CELSR1: variants seen among roughly 807,000 people sequenced by gnomAD.
CELSR1 encodes adhesion G protein-coupled receptor C1.
In CELSR1, 110 loss-of-function variants were observed where a neutral mutation model predicts 249.1. The observed-to-expected ratio is 0.44, with a 90% CI of 0.38 to 0.52. The LOEUF is 0.52. CELSR1 is among the 20% of genes least tolerant of loss of function. The pLI is 0.00. For synonymous variants in CELSR1, 2,113 were observed against 1,900.0 expected (o/e 1.11, Z -2.92); for missense variants, 4,109 against 4,296.4 (o/e 0.96, Z 1.22).
At position 46,413,336 on chromosome 22, in the gene CELSR1, C is replaced by T. The variant is rs2079360031; in HGVS notation, c.4612-1577G>A. Among the ~76,000 whole-genome samples, 1 of 152,362 alleles carries T rather than the reference C, an allele frequency of 6.6e-6. No individual in the cohort carries two copies. Among genetic ancestry groups the T allele is most frequent in the South Asian group, 2.1e-4 (1 of 4,826 alleles). ...TTGCATGACTTCTGGGGACCCTGGA[C>T]ACCCAGGCAGCACGCCCTGCCTGGA... On this transcript the variant is annotated intron_variant, in intron 5 of 34. Transcript: ENST00000674500. The surrounding 1 kb of genome is among the most constrained non-coding windows in gnomAD (Gnocchi z 4.7).
At chr22:46,457,950 G>A (rs964784054) in intron 2 of CELSR1, among the ~76,000 whole-genome samples, 3 of 152,356 alleles carry the variant, frequency 2.0e-5, no homozygotes, top group African/African-American at 2.4e-5. Flanking sequence ...GTGGAGGGGC[G>A]GGATGGCCAG....
chr22:46,410,273 G>A lies in CELSR1; in HGVS notation c.4933+125C>T. ...TCCATCCCAGGAGCTGCCCACCGCT[G>A]GACACATACATTTCTAAGAAAAACA... On this transcript the variant is annotated intron_variant, in intron 7 of 34. Coordinates refer to ENST00000674500, the MANE Select transcript of CELSR1 (RefSeq NM_001378328.1). This position sits in a 1 kb window ranked among gnomAD's most constrained non-coding sequence, Gnocchi z 6.8. The A allele has an allele frequency of 8.1e-7, 1 of 1,231,048 alleles. No homozygotes were observed. The highest frequency in any genetic ancestry group is 1.1e-6 in the Non-Finnish European group (1 of 869,790). The allele number at this position is 1,231,048 out of a possible 1,614,324, so 76.3% of individuals were successfully genotyped here. A position where few individuals can be genotyped will look rare whatever the true frequency, so the allele number is the denominator to read the frequency against.
rs1046977319 is a variant in CELSR1, at chr22:46,393,108, T to C, written c.5964+1034A>G. Among the ~76,000 whole-genome samples the C allele has an allele frequency of 2.6e-5, 4 of 152,070 alleles. No individual in the cohort carries two copies. Among genetic ancestry groups the C allele is most frequent in the Non-Finnish European group, 4.4e-5 (3 of 67,962 alleles). On this transcript the variant is annotated intron_variant, in intron 14 of 34. Transcript: ENST00000674500. This position sits in a 1 kb window ranked among gnomAD's most constrained non-coding sequence, Gnocchi z 4.1. ...CATCCAAGGGTGCCCTGGTACCAGC[T>C]TCCCTCCTAGGGCCAGCCGCATCTG...
Position 46,527,202 on chromosome 22 carries a change from C to T in CELSR1, c.3544+6425G>A, listed in dbSNP as rs571834271. ...GGCCTGCAGAGCCTGGGAGGGTTCC[C>T]GGCACATGGAGCACATCGGCTGAGA... is the stretch of plus-strand genomic sequence containing the variant. On this transcript the variant is annotated intron_variant, in intron 1 of 34. Coordinates refer to ENST00000674500, the MANE Select transcript of CELSR1 (RefSeq NM_001378328.1). The surrounding 1 kb of genome is among the most constrained non-coding windows in gnomAD (Gnocchi z 5.5). Among the ~76,000 whole-genome samples the T allele has an allele frequency of 7.9e-5, 12 of 152,234 alleles. No homozygotes were observed. Among genetic ancestry groups the T allele is most frequent in the African/African-American group, 1.2e-4 (5 of 41,534 alleles).
At chr22:46,379,062 ACT>A (rs2147210531) in intron 22 of CELSR1, among the ~76,000 whole-genome samples, 1 of 152,120 alleles carries the variant, frequency 6.6e-6, no homozygotes, top group East Asian at 1.9e-4. Context: ...TAGCAGCAAA[ACT>A]CAAATGGGGC....
chr22:46,414,675 C>A (rs2079378766), intron 5 of CELSR1, among the ~76,000 whole-genome samples: 1 of 152,224 alleles, frequency 6.6e-6, no homozygotes, highest in Admixed American at 6.5e-5. Context: ...GTCACGGAGG[C>A]AGGGAGTGCA....
chr22:46,408,903 G>A lies in CELSR1; in HGVS notation c.5226+93C>T. The stretch of plus-strand genomic sequence containing the variant: ...GGCGCCGGAGGAAGGGCGAGTAGCA[G>A]GTGCCCGAGTGTGCACCAGGAAGCC... On this transcript the variant is annotated intron_variant, in intron 9 of 34. Transcript: ENST00000674500. This position sits in a 1 kb window ranked among gnomAD's most constrained non-coding sequence, Gnocchi z 4.6. 9.5e-7 allele frequency: 1 copy of A among 1,051,236 alleles called. No individual in the cohort carries two copies. The highest frequency in any genetic ancestry group is 1.3e-6 in the Non-Finnish European group (1 of 748,778). The allele number at this position is 1,051,236 out of a possible 1,614,324, so 65.1% of individuals were successfully genotyped here. A position where few individuals can be genotyped will look rare whatever the true frequency, so the allele number is the denominator to read the frequency against.
chr22:46,393,682 G>A lies in CELSR1; in HGVS notation c.5964+460C>T, dbSNP rs763212337. Among the ~76,000 whole-genome samples, 129 of 151,250 alleles carry A rather than the reference G, an allele frequency of 8.5e-4. No homozygotes were observed. Among genetic ancestry groups the A allele is most frequent in the Non-Finnish European group, 1.4e-3 (94 of 67,924 alleles). On this transcript the variant is annotated intron_variant, in intron 14 of 34. Coordinates refer to ENST00000674500, the MANE Select transcript of CELSR1 (RefSeq NM_001378328.1). The surrounding 1 kb of genome is among the most constrained non-coding windows in gnomAD (Gnocchi z 4.1). ...GAACCCGGGAGGCGGAGGCTGCAGT[G>A]AGCCGAGATCGCACCACTGCACTCC... is the stretch of plus-strand genomic sequence containing the variant.
intron 2 of CELSR1, among the ~76,000 whole-genome samples, chr22:46,455,854 G>C (rs143055982): frequency 6.6e-6 from 1 of 152,146 alleles, no homozygotes; most frequent in African/African-American, 2.4e-5. Flanking sequence ...CTGATCCCCC[G>C]GCAAGATTTT....
At chr22:46,452,713 G>A (rs967847396) in intron 2 of CELSR1, among the ~76,000 whole-genome samples, 3 of 152,240 alleles carry the variant, frequency 2.0e-5, no homozygotes, top group Non-Finnish European at 2.9e-5. Flanking sequence ...AGGCCTCCAG[G>A]ACCCAAGATG....
chr22:46,384,405 G>T, intron 20 of CELSR1, 138 bp downstream of exon 20: 1 of 985,028 alleles, frequency 1.0e-6, no homozygotes, highest in Non-Finnish European at 1.4e-6. Flanking sequence ...TCACCAACAG[G>T]ACCTGGCACC....
chr22:46,424,863 T>C (rs140044), intron 5 of CELSR1, among the ~76,000 whole-genome samples: 86,948 of 152,122 alleles, frequency 0.57, 27,863 homozygotes, highest in South Asian at 0.74. Flanking sequence ...TCTCAGCTAC[T>C]TGGGAGCCGA....
chr22:46,531,128 A>T (rs2080787529), intron 1 of CELSR1, among the ~76,000 whole-genome samples: 2 of 151,998 alleles, frequency 1.3e-5, no homozygotes, highest in African/African-American at 2.4e-5. Flanking sequence ...GTCAATAGTG[A>T]TTTACTTATT....
intron 5 of CELSR1, among the ~76,000 whole-genome samples, chr22:46,425,674 C>A (rs890255610): frequency 6.6e-6 from 1 of 151,206 alleles, no homozygotes; most frequent in Non-Finnish European, 1.5e-5. Context: ...ATCAGTCACG[C>A]TAGAAGTTTT....
chr22:46,481,233 A>C, intron 1 of CELSR1: 1 of 324,270 alleles, frequency 3.1e-6, no homozygotes, highest in South Asian at 3.8e-5. Context: ...AAAGAACAAG[A>C]CCATGTCTCA....
In CELSR1 at chr22:46,534,387, C is replaced by G; in HGVS notation, c.2784G>C (p.Leu928=). The part of the protein sequence containing the change: ...DRDSGPNGRL[L]YTFQGGDDGD... ...CGTCGTCCCCACCCTGGAAGGTGTACAGCAGACGCCCATTGGGACCTGAGT... is the reference window on the plus strand; with the variant it reads ...CGTCGTCCCCACCCTGGAAGGTGTAGAGCAGACGCCCATTGGGACCTGAGT... Residue 928 remains leucine (L), a synonymous_variant, in exon 1 of 35, where the codon CTG becomes CTC. Transcript: ENST00000674500. This position sits in a 1 kb window ranked among gnomAD's most constrained non-coding sequence, Gnocchi z 9.7. 1 of 1,612,898 alleles carries G rather than the reference C, an allele frequency of 6.2e-7. No individual in the cohort carries two copies. The highest frequency in any genetic ancestry group is 2.2e-5 in the East Asian group (1 of 44,886).
rs182879356 is a variant in CELSR1, at chr22:46,366,983, C to T, written c.8205+10G>A. ...GCCCCCAGTCCCGCGGTGTCCCCGGCGCCTCCTACCGTCAGCAGGGTGGCC... is the reference window on the plus strand; with the variant it reads ...GCCCCCAGTCCCGCGGTGTCCCCGGTGCCTCCTACCGTCAGCAGGGTGGCC... On this transcript the variant is annotated intron_variant, in intron 29 of 34. Transcript: ENST00000674500. 5.2e-5 allele frequency: 83 copies of T among 1,606,812 alleles called. No homozygotes were observed. Among genetic ancestry groups the T allele is most frequent in the Admixed American group, 1.8e-4 (11 of 59,674 alleles).
At position 46,396,555 on chromosome 22, in the gene CELSR1, C is replaced by A. The variant is rs763143248; in HGVS notation, c.5843+50G>T. 3.4e-6 allele frequency: 5 copies of A among 1,465,086 alleles called. No homozygotes were observed. In the East Asian group the frequency reaches 7.6e-5, roughly 22 times the overall value. 90.8% of individuals were successfully genotyped at this position (1,465,086 alleles called of 1,614,324 possible). ...GAGAAGACACTGAGTCGAGGGAACA[C>A]AGCCACATGGACTCTGAAGGTGCAG... is the stretch of plus-strand genomic sequence containing the variant. On this transcript the variant is annotated intron_variant, in intron 13 of 34. Transcript: ENST00000674500. This position sits in a 1 kb window ranked among gnomAD's most constrained non-coding sequence, Gnocchi z 6.4.
At position 46,369,142 on chromosome 22, in the gene CELSR1, C is replaced by G. The variant is rs2078821567; in HGVS notation, c.7952+37G>C. ...TGGACGTCGGGGTCTCAGGGCCCAG[C>G]CGACATGGCTGGCCGGTCAGGTTCA... is the stretch of plus-strand genomic sequence containing the variant. On this transcript the variant is annotated intron_variant, in intron 27 of 34. Coordinates refer to ENST00000674500, the MANE Select transcript of CELSR1 (RefSeq NM_001378328.1). The G allele has an allele frequency of 5.0e-6, 8 of 1,604,800 alleles. No homozygotes were observed. The East Asian group carries it at 1.6e-4, about 31-fold the overall frequency.
Sources: gnomAD v4.1 joint callset for allele counts (sites outside exome capture counted in the v4.1 genomes callset) on GRCh38, gnomAD v4.1.1 for gene constraint, Gnocchi (gnomAD v3.1) non-coding constraint, MANE v1.5 for transcripts, NCBI Gene and HGNC (gene_info 2026-07-23, HGNC 2026-07-21) for gene names.